The following TMEM132C variants were observed in gnomAD, a reference collection of about 807,000 sequenced individuals.
TMEM132C encodes protein phosphatase 1, regulatory subunit 152.
In TMEM132C, 29 loss-of-function variants were observed where a neutral mutation model predicts 61.4. The ratio of observed to expected loss-of-function variants is 0.47; its 90% CI spans 0.35 to 0.64. TMEM132C has a LOEUF of 0.64. TMEM132C is among the 30% of genes least tolerant of loss of function. The pLI is 0.00. For synonymous variants in TMEM132C, 656 were observed against 633.1 expected (o/e 1.04, Z -0.54); for missense variants, 1,408 against 1,476.9 (o/e 0.95, Z 0.76).
intron 2 of TMEM132C, among the ~76,000 whole-genome samples, chr12:128,479,083 A>G (rs1326801062): frequency 2.0e-5 from 3 of 152,190 alleles, no homozygotes; most frequent in Non-Finnish European, 4.4e-5. Flanking sequence ...ATGGAGCTGG[A>G]GCCCATCATC....
chr12:128,338,642 C>T (rs1872858327), intron 1 of TMEM132C, among the ~76,000 whole-genome samples: 1 of 151,846 alleles, frequency 6.6e-6, no homozygotes, highest in African/African-American at 2.4e-5. Context: ...GAGTTCTCAG[C>T]GGGCCCCCTC....
At chr12:128,455,470 A>G (rs374970589) in intron 2 of TMEM132C, among the ~76,000 whole-genome samples, 7 of 152,348 alleles carry the variant, frequency 4.6e-5, no homozygotes, top group African/African-American at 1.7e-4. Flanking sequence ...CAAGGGAACC[A>G]GTAAGCAGGA....
intron 3 of TMEM132C, among the ~76,000 whole-genome samples, chr12:128,553,950 C>T (rs1565972713): frequency 1.3e-5 from 2 of 152,254 alleles, no homozygotes; most frequent in African/African-American, 2.4e-5. Flanking sequence ...GTTGCAGCTC[C>T]GGGGGTGTCT....
chr12:128,535,056 G>A (rs1052243891), intron 2 of TMEM132C, among the ~76,000 whole-genome samples: 16 of 152,122 alleles, frequency 1.1e-4, no homozygotes, highest in African/African-American at 3.9e-4. Flanking sequence ...AACACAACTG[G>A]GGCATTCATT....
intron 3 of TMEM132C, among the ~76,000 whole-genome samples, chr12:128,599,736 A>T (rs548247657): frequency 7.9e-5 from 12 of 152,316 alleles, no homozygotes; most frequent in Admixed American, 6.5e-4. Context: ...AAGGTTGAGG[A>T]CCTTGAACAA....
chr12:128,518,818 A>G (rs1872806743), intron 2 of TMEM132C, among the ~76,000 whole-genome samples: 1 of 152,028 alleles, frequency 6.6e-6, no homozygotes, highest in Admixed American at 6.6e-5. Flanking sequence ...AAGGCAAAAG[A>G]CTGCATGGTT....
At position 128,685,686 on chromosome 12, in the gene TMEM132C, A is replaced by T. The variant is rs144460502; in HGVS notation, c.1450-8143A>T. Among the ~76,000 whole-genome samples the T allele has an allele frequency of 1.4e-4, 22 of 152,294 alleles. No homozygotes were observed. In the East Asian group the frequency reaches 1.7e-3, roughly 12 times the overall value. ...AAGTAGACCCTGTCCATGATGGAGG[A>T]GAAGGCGGGCCTCCCTGAGTGCAGA... On this transcript the variant is annotated intron_variant, in intron 5 of 8. Transcript: ENST00000435159.
At chr12:128,360,245 G>GAC (rs145728632) in intron 1 of TMEM132C, among the ~76,000 whole-genome samples, 53,219 of 145,672 alleles carry the variant, frequency 0.37, 9,701 homozygotes, top group Admixed American at 0.5. Context: ...GATAAAGGAC[G>GAC]ACACACACAC....
At chr12:128,549,340 C>T (rs1230329133) in intron 3 of TMEM132C, among the ~76,000 whole-genome samples, 1 of 152,136 alleles carries the variant, frequency 6.6e-6, no homozygotes, top group East Asian at 1.9e-4. Context: ...AGGAAGTCCT[C>T]ACCACCCAGA....
chr12:128,499,763 C>T (rs1464087030), intron 2 of TMEM132C, among the ~76,000 whole-genome samples: 13 of 152,164 alleles, frequency 8.5e-5, no homozygotes, highest in Non-Finnish European at 1.3e-4. Flanking sequence ...TGTATCTTTA[C>T]CACATTTTAA....
chr12:128,456,562 G>A (rs767395112), intron 2 of TMEM132C, among the ~76,000 whole-genome samples: 5 of 150,860 alleles, frequency 3.3e-5, no homozygotes, highest in South Asian at 2.1e-4. Context: ...GCCTGCTACC[G>A]TGCCCGGCTA....
At chr12:128,269,378 A>G (rs965563701) in intron 1 of TMEM132C, among the ~76,000 whole-genome samples, 6 of 17,292 alleles carry the variant, frequency 3.5e-4, no homozygotes, top group Admixed American at 1.8e-3. Context: ...GTGTGTGTGT[A>G]TCCAGAGGAT....
chr12:128,626,079 A>G (rs2135590863), intron 4 of TMEM132C, among the ~76,000 whole-genome samples: 1 of 151,824 alleles, frequency 6.6e-6, no homozygotes, highest in South Asian at 2.1e-4. Context: ...CACATGTACT[A>G]CAGTACCTGA....
At chr12:128,549,101 C>T (rs942513643) in intron 3 of TMEM132C, among the ~76,000 whole-genome samples, 4 of 152,216 alleles carry the variant, frequency 2.6e-5, no homozygotes, top group Non-Finnish European at 5.9e-5. Context: ...GAAGCTCAGG[C>T]GGGAGACTGC....
intron 3 of TMEM132C, among the ~76,000 whole-genome samples, chr12:128,580,375 C>T (rs1294673126): frequency 2.0e-5 from 3 of 152,000 alleles, no homozygotes; most frequent in East Asian, 1.9e-4. Context: ...GAGCAGAGAT[C>T]GCGCCACTGC....
At chr12:128,622,988 C>G (rs1308532690) in intron 4 of TMEM132C, among the ~76,000 whole-genome samples, 1 of 152,122 alleles carries the variant, frequency 6.6e-6, no homozygotes, top group Admixed American at 6.5e-5. Context: ...TTTCTTGTCA[C>G]AGCTGGAAAT....
intron 1 of TMEM132C, among the ~76,000 whole-genome samples, chr12:128,371,920 G>A (rs1238105739): frequency 6.6e-6 from 1 of 152,080 alleles, no homozygotes; most frequent in South Asian, 2.1e-4. Flanking sequence ...TATGATTTAT[G>A]TACTGTAAAA....
chr12:128,705,908 C>A lies in TMEM132C; in HGVS notation c.2940C>A (p.Leu980=), dbSNP rs1490046218. Residue 980 remains leucine, a synonymous_variant, in exon 9 of 9, where the codon CTC becomes CTA. Transcript: ENST00000435159. ...TGTGGCTTGGCAATGAGGCCGAACT[C>A]CTGGAGAGCATGGGGGATGCGCCGC... is the stretch of plus-strand genomic sequence containing the variant. The part of the protein sequence containing the change: ...DWVWLGNEAE[L]LESMGDAPPP... 31 of 1,551,416 alleles carry A rather than the reference C, an allele frequency of 2.0e-5. No individual in the cohort carries two copies. The highest frequency in any genetic ancestry group is 2.7e-5 in the Non-Finnish European group (31 of 1,146,974).
chr12:128,542,342 G>T (rs1322347066), intron 2 of TMEM132C, among the ~76,000 whole-genome samples: 2 of 152,042 alleles, frequency 1.3e-5, no homozygotes, highest in South Asian at 4.2e-4. Flanking sequence ...GCCTTGCTCT[G>T]TTGCCCAGGC....
Sources: allele counts gnomAD v4.1 joint callset (sites outside exome capture counted in the v4.1 genomes callset), GRCh38; gene constraint gnomAD v4.1.1; transcripts MANE v1.5; gene names NCBI Gene and HGNC (gene_info 2026-07-23, HGNC 2026-07-21).